Variants in LARP4 observed in about 807,000 individuals in gnomAD.
The protein encoded by LARP4 is la-related protein 4.
LARP4 carries 29 observed loss-of-function variants against 92.9 expected under a neutral mutation model. The observed-to-expected ratio is 0.31, with a 90% confidence interval of 0.23 to 0.43. The LOEUF (loss-of-function observed/expected upper bound fraction) is 0.43, where lower values mean the gene tolerates loss of function less well. LARP4 is among the 20% of genes least tolerant of loss of function. LARP4 has a pLI of 1.00. For synonymous variants in LARP4, 279 were observed against 284.1 expected, an observed-to-expected ratio of 0.98 and a Z score of 0.18; for missense variants, 732 against 860.0, an observed-to-expected ratio of 0.85 and a Z score of 1.86.
chr12:50,423,853 G>A (rs1948281317), intron 1 of LARP4, among the ~76,000 whole-genome samples: 1 of 151,574 alleles, frequency 6.6e-6, no homozygotes, highest in Non-Finnish European at 1.5e-5. Flanking sequence ...CTGGGTTCAA[G>A]CGATTCTCCT....
chr12:50,467,270 A>G, intron 13 of LARP4, 150 bp downstream of exon 13: 3 of 553,406 alleles, frequency 5.4e-6, no homozygotes, highest in Non-Finnish European at 9.0e-6. Flanking sequence ...GTGTTTTTTT[A>G]AAGATTCATG....
At position 50,479,677 on chromosome 12, in the gene LARP4, G is replaced by A. The variant is rs1593540877; in HGVS notation, c.*3813G>A. The A allele has an allele frequency of 6.6e-6, 1 of 152,126 alleles. No individual in the cohort carries two copies. The highest frequency in any genetic ancestry group is 1.9e-4 in the East Asian group (1 of 5,200). 9.4% of individuals were successfully genotyped at this position (152,126 alleles called of 1,614,324 possible). On this transcript the variant is annotated 3_prime_UTR_variant, in exon 16 of 16. Coordinates refer to ENST00000398473, the MANE Select transcript of LARP4 (RefSeq NM_052879.5). ...CGTAACTCAGATATTAATGGGCTGT[G>A]TATTAAATGGTTTTATTTTCAGTTT...
At chr12:50,456,290 A>G (rs1954224721) in intron 10 of LARP4, among the ~76,000 whole-genome samples, 2 of 152,164 alleles carry the variant, frequency 1.3e-5, no homozygotes, top group South Asian at 2.1e-4. Context: ...ACATTTTTGC[A>G]TGTTACTTAA....
chr12:50,446,003 CTTT>C (rs71441367), intron 8 of LARP4, among the ~76,000 whole-genome samples: 8 of 126,948 alleles, frequency 6.3e-5, no homozygotes, highest in African/African-American at 1.7e-4. Context: ...TTTCTTTTTT[CTTT>C]TTTTTTTTTT....
intron 1 of LARP4, among the ~76,000 whole-genome samples, chr12:50,407,921 T>G (rs1945139343): frequency 1.3e-5 from 2 of 152,310 alleles, no homozygotes; most frequent in South Asian, 4.1e-4. Context: ...TGTAAGTAAA[T>G]GTAAGAAAAA....
At position 50,453,501 on chromosome 12, in the gene LARP4, T is replaced by C. The variant is rs1248874086; in HGVS notation, c.846T>C (p.Gly282=). The C allele has an allele frequency of 6.2e-6, 10 of 1,612,934 alleles. No homozygotes were observed. Among genetic ancestry groups the C allele is most frequent in the Non-Finnish European group, 8.5e-6 (10 of 1,179,230 alleles). The change falls in exon 9 of 16, where the codon GGT becomes GGC. Residue 282 remains glycine (G), a synonymous_variant. Transcript: ENST00000398473. The part of the protein sequence containing the change: ...KAINTFFAKN[G]YRLMDSSIYS... ...TCAATACATTTTTTGCTAAGAATGG[T>C]TATCGATTAATGGATTCTAGTATCT...
At chr12:50,417,148 G>A (rs1318895841) in intron 1 of LARP4, among the ~76,000 whole-genome samples, 1 of 151,968 alleles carries the variant, frequency 6.6e-6, no homozygotes, top group African/African-American at 2.4e-5. Flanking sequence ...GGTGGCTCAC[G>A]CCTATAATCC....
intron 13 of LARP4, among the ~76,000 whole-genome samples, chr12:50,468,247 G>T (rs980690196): frequency 2.6e-5 from 4 of 151,904 alleles, no homozygotes; most frequent in African/African-American, 9.7e-5. Flanking sequence ...CAAAGTGCTG[G>T]AATTACAAGC....
chr12:50,465,387 A>AC (rs1271472551), intron 12 of LARP4, among the ~76,000 whole-genome samples: 1 of 151,532 alleles, frequency 6.6e-6, no homozygotes, highest in South Asian at 2.1e-4. Flanking sequence ...AAAAAAAAAA[A>AC]AAGAGAGATT....
intron 10 of LARP4, among the ~76,000 whole-genome samples, chr12:50,455,541 A>C (rs2138382160): frequency 6.6e-6 from 1 of 152,202 alleles, no homozygotes; most frequent in South Asian, 2.1e-4. Flanking sequence ...TCTTCTAATT[A>C]TTTCTTTTGG....
At chr12:50,447,670 T>C (rs540608319) in intron 8 of LARP4, among the ~76,000 whole-genome samples, 3 of 152,266 alleles carry the variant, frequency 2.0e-5, no homozygotes, top group South Asian at 4.2e-4. Context: ...CTTGAACTCC[T>C]GGGCTCAAGG....
At chr12:50,427,675 T>G in intron 1 of LARP4, 87 bp from the exon 2 acceptor site, 2 of 780,990 alleles carry the variant, frequency 2.6e-6, no homozygotes, top group Non-Finnish European at 3.8e-6. Flanking sequence ...CCCCCACTTT[T>G]AAGTAATGGA....
Position 50,478,459 on chromosome 12 carries a change from G to A in LARP4, c.*2595G>A, listed in dbSNP as rs542043244. On this transcript the variant is annotated 3_prime_UTR_variant, in exon 16 of 16. Coordinates refer to ENST00000398473, the MANE Select transcript of LARP4 (RefSeq NM_052879.5). Reference sequence around the variant, plus strand: ...GTGAAGCTCTTGGCTTTTTTCCAACGTTACTTTGTAACTAATGAGGGTGGA... The same window carrying A: ...GTGAAGCTCTTGGCTTTTTTCCAACATTACTTTGTAACTAATGAGGGTGGA... 4.3e-4 allele frequency: 66 copies of A among 152,004 alleles called. No homozygotes were observed. The highest frequency in any genetic ancestry group is 1.4e-3 in the African/African-American group (58 of 41,514). 9.4% of individuals were successfully genotyped at this position (152,004 alleles called of 1,614,324 possible). A position where few individuals can be genotyped will look rare whatever the true frequency, so the allele number is the denominator to read the frequency against.
intron 8 of LARP4, among the ~76,000 whole-genome samples, chr12:50,442,840 G>A (rs1205223778): frequency 6.6e-6 from 1 of 152,162 alleles, no homozygotes; most frequent in African/African-American, 2.4e-5. Context: ...TTTATTAAGA[G>A]GTTCTAAGAA....
chr12:50,455,579 C>G (rs1954070630), intron 10 of LARP4, among the ~76,000 whole-genome samples: 1 of 152,080 alleles, frequency 6.6e-6, no homozygotes, highest in Admixed American at 6.6e-5. Flanking sequence ...GTATGTTTTT[C>G]CAAGATGACT....
At chr12:50,452,050 A>G (rs1290468147) in intron 8 of LARP4, among the ~76,000 whole-genome samples, 3 of 152,120 alleles carry the variant, frequency 2.0e-5, no homozygotes, top group Non-Finnish European at 2.9e-5. Context: ...GTGTGTGTGT[A>G]CACCACGTTT....
intron 1 of LARP4, among the ~76,000 whole-genome samples, chr12:50,424,386 T>C (rs1031924459): frequency 2.0e-5 from 3 of 151,402 alleles, no homozygotes; most frequent in African/African-American, 7.3e-5. Flanking sequence ...GAGACAGAGT[T>C]TCGCTCTTGT....
intron 8 of LARP4, among the ~76,000 whole-genome samples, chr12:50,448,367 T>C (rs1952577641): frequency 6.6e-6 from 1 of 152,278 alleles, no homozygotes; most frequent in East Asian, 1.9e-4. Context: ...TGAAACTCTA[T>C]AAATGTTACC....
rs1957546565 is a variant in LARP4, at chr12:50,476,559, T to C, written c.*695T>C. 1 of 152,610 alleles carries C rather than the reference T, an allele frequency of 6.6e-6. No individual in the cohort carries two copies. Among genetic ancestry groups the C allele is most frequent in the South Asian group, 2.1e-4 (1 of 4,828 alleles). 9.5% of individuals were successfully genotyped at this position (152,610 alleles called of 1,614,324 possible). On this transcript the variant is annotated 3_prime_UTR_variant, in exon 16 of 16. Coordinates refer to ENST00000398473, the MANE Select transcript of LARP4 (RefSeq NM_052879.5). ...ACAAGTTGTAAAACTCTGATTGTACTTAGAGATGTGACTACCAATCAGTTT... is the reference window on the plus strand; with the variant it reads ...ACAAGTTGTAAAACTCTGATTGTACCTAGAGATGTGACTACCAATCAGTTT...
Sources: allele counts gnomAD v4.1 joint callset (sites outside exome capture counted in the v4.1 genomes callset), GRCh38; gene constraint gnomAD v4.1.1; transcripts MANE v1.5; gene names NCBI Gene and HGNC (gene_info 2026-07-23, HGNC 2026-07-21).